DGKZ: variants seen among roughly 807,000 people sequenced by gnomAD.
The protein encoded by DGKZ is DAG kinase zeta.
A neutral mutation model predicts 142.5 loss-of-function variants in DGKZ; 45 were observed. The ratio of observed to expected loss-of-function variants is 0.32; its 90% CI spans 0.25 to 0.40. The LOEUF is 0.40. Ranked by LOEUF, DGKZ falls within the 10% of genes least tolerant of loss-of-function variation. DGKZ has a pLI of 1.00. For synonymous variants in DGKZ, 442 were observed against 527.0 expected, an observed-to-expected ratio of 0.84 and a Z score of 2.21; for missense variants, 755 against 1,306.5, an observed-to-expected ratio of 0.58 and a Z score of 6.51.
intron 1 of DGKZ, among the ~76,000 whole-genome samples, chr11:46,342,418 T>C (rs1475010770): frequency 1.3e-5 from 2 of 152,218 alleles, no homozygotes; most frequent in Non-Finnish European, 2.9e-5. Context: ...TCCTGCTCTC[T>C]GCAGCTCCAG....
rs534767600 is a variant in DGKZ at position 46,369,985 on chromosome 11, C to G, written c.546C>G (p.Asp182Glu). 142 of 1,613,846 alleles carry G rather than the reference C, an allele frequency of 8.8e-5. 4 individuals are homozygous for G. In the South Asian group the frequency reaches 1.2e-3, roughly 14 times the overall value. ...ACTGGGTACACAGACGACGCCAGGA[C>G]GGCAAGTGTCGGCACTGTGGGAAGG... is the stretch of plus-strand genomic sequence containing the variant. Residue 182 changes from aspartate (D) to glutamate (E), a missense_variant, in exon 6 of 31, where the codon GAC becomes GAG. Asp to Glu is a conservative substitution (Grantham distance 45). Coordinates refer to ENST00000527911, the Ensembl canonical transcript of DGKZ.
chr11:46,344,556 C>T (rs945653152), upstream of DGKZ, among the ~76,000 whole-genome samples: 2 of 150,972 alleles, frequency 1.3e-5, no homozygotes, highest in South Asian at 2.1e-4. Flanking sequence ...CAGGTTCAAG[C>T]GATTCTCCTG....
At chr11:46,335,172 G>A (rs1939953791) in intron 1 of DGKZ, among the ~76,000 whole-genome samples, 1 of 152,106 alleles carries the variant, frequency 6.6e-6, no homozygotes, top group Non-Finnish European at 1.5e-5. Context: ...AAATTAACCA[G>A]GTGTGGTGGC....
At chr11:46,378,542 T>C (rs1468834156) in intron 27 of DGKZ, 42 bp downstream of exon 27, 1 of 1,612,614 alleles carries the variant, frequency 6.2e-7, no homozygotes, top group African/African-American at 1.3e-5. Context: ...AGCAGCTCCC[T>C]CGGGCCCTGG....
intron 1 of DGKZ, chr11:46,365,229 T>G: frequency 1.0e-6 from 1 of 985,272 alleles, no homozygotes; most frequent in South Asian, 4.7e-5. Context: ...GTGCAGCGTT[T>G]GGAATTGTGA....
intron 1 of DGKZ, among the ~76,000 whole-genome samples, chr11:46,356,878 A>G (rs1410900619): frequency 1.3e-5 from 2 of 152,188 alleles, no homozygotes; most frequent in Admixed American, 1.3e-4. Flanking sequence ...AATATTTGTA[A>G]AAACACTTAG....
chr11:46,366,910 C>T (rs1196089688), intron 1 of DGKZ: 3 of 1,546,670 alleles, frequency 1.9e-6, no homozygotes, highest in East Asian at 2.4e-5. Context: ...CCCGTGTGCG[C>T]CCACTGTCCC....
chr11:46,378,925 C>T (rs1337397502), intron 27 of DGKZ, 66 bp from the exon 28 acceptor site: 3 of 1,496,686 alleles, frequency 2.0e-6, no homozygotes, highest in East Asian at 2.3e-5. Flanking sequence ...TGTGGGCCAG[C>T]GTGTGAGCTC....
chr11:46,377,470 C>G, intron 25 of DGKZ: 1 of 561,350 alleles, frequency 1.8e-6, no homozygotes, highest in Non-Finnish European at 2.9e-6. Context: ...CCGGACCCAC[C>G]ACCTGAGCAC....
At chr11:46,378,089 G>A in intron 25 of DGKZ, 109 bp from the exon 26 acceptor site, 1 of 1,365,030 alleles carries the variant, frequency 7.3e-7, no homozygotes, top group Non-Finnish European at 1.0e-6. Context: ...GTGTGTAGCA[G>A]GCACTCAATA....
chr11:46,353,010 C>G (rs879624929), intron 1 of DGKZ, among the ~76,000 whole-genome samples: 5 of 152,236 alleles, frequency 3.3e-5, no homozygotes, highest in Non-Finnish European at 5.9e-5. Context: ...GTCGGGAAAG[C>G]AGGTTCGAGT....
intron 25 of DGKZ, chr11:46,377,678 C>T: frequency 4.5e-6 from 1 of 223,352 alleles, no homozygotes. Flanking sequence ...TCTCCCCAGG[C>T]CCCCCGTCAT....
chr11:46,343,656 C>A (rs1030191751), upstream of DGKZ, among the ~76,000 whole-genome samples: 2 of 152,258 alleles, frequency 1.3e-5, no homozygotes, highest in African/African-American at 2.4e-5. Context: ...AGTTTGGCCT[C>A]TGGAGATCTT....
chr11:46,366,144 T>A, intron 1 of DGKZ: 2 of 1,402,674 alleles, frequency 1.4e-6, no homozygotes, highest in Non-Finnish European at 1.8e-6. Flanking sequence ...TCCTGGTTGC[T>A]TCCCTTCTCA....
intron 1 of DGKZ, chr11:46,364,501 A>G: frequency 1.6e-6 from 2 of 1,232,808 alleles, no homozygotes; most frequent in Non-Finnish European, 2.1e-6. Flanking sequence ...ATTTGGGGTC[A>G]TAAGAGCACT....
chr11:46,342,150 G>T (rs751813896), intron 1 of DGKZ, among the ~76,000 whole-genome samples: 7 of 152,172 alleles, frequency 4.6e-5, no homozygotes, highest in Non-Finnish European at 8.8e-5. Flanking sequence ...TCTTCTTCCT[G>T]TGTGTACCTG....
At position 46,372,147 on chromosome 11, in the gene DGKZ, A is replaced by G; in HGVS notation, c.904A>G (p.Asn302Asp). 1.2e-6 allele frequency: 2 copies of G among 1,611,108 alleles called. No homozygotes were observed. Among genetic ancestry groups the G allele is most frequent in the Non-Finnish European group, 1.7e-6 (2 of 1,178,900 alleles). Residue 302 changes from asparagine (N) to aspartate (D), a missense_variant, in exon 10 of 31, where the codon AAC becomes GAC. By Grantham distance (23) the Asn-to-Asp change is conservative. Transcript: ENST00000527911. The surrounding 1 kb of genome is among the most constrained non-coding windows in gnomAD (Gnocchi z 5.9). Reference sequence around the variant, plus strand: ...CATGAAGCCCCTGCTGGTGTTTGTGAACCCCAAGAGTGGGGGCAACCAGGT... The same window carrying G: ...CATGAAGCCCCTGCTGGTGTTTGTGGACCCCAAGAGTGGGGGCAACCAGGT...
At chr11:46,352,652 C>T (rs958367662) in intron 1 of DGKZ, among the ~76,000 whole-genome samples, 7 of 152,236 alleles carry the variant, frequency 4.6e-5, no homozygotes, top group Non-Finnish European at 1.0e-4. Context: ...CTCCCTGCCC[C>T]CTCTGCCTCC....
chr11:46,333,032 C>T, exon 1 of DGKZ: 1 of 347,042 alleles, frequency 2.9e-6, no homozygotes, highest in Non-Finnish European at 5.1e-6. Flanking sequence ...AGCGCAGCAC[C>T]CCGACTCCAG....
Sources: allele counts gnomAD v4.1 joint callset (sites outside exome capture counted in the v4.1 genomes callset), GRCh38; gene constraint gnomAD v4.1.1; non-coding constraint Gnocchi (gnomAD v3.1); transcripts MANE v1.5; gene names NCBI Gene and HGNC (gene_info 2026-07-23, HGNC 2026-07-21).